Variants in GABRB1 observed in about 807,000 individuals in gnomAD.
The protein encoded by GABRB1 is gamma-aminobutyric acid type A receptor subunit beta1.
In GABRB1, 17 loss-of-function variants were observed where a neutral mutation model predicts 51.6. The ratio of observed to expected loss-of-function variants is 0.33; its 90% CI spans 0.23 to 0.49. The LOEUF (loss-of-function observed/expected upper bound fraction) is 0.49, where lower values mean the gene tolerates loss of function less well. Among genes scored for constraint, GABRB1 ranks in the 20% least tolerant of loss-of-function variants. The pLI is 0.99. For missense variants in GABRB1, 410 were observed against 600.6 expected (o/e 0.68, Z 3.32); for synonymous variants, 247 against 218.9 (o/e 1.13, Z -1.14).
chr4:47,154,089 T>G (rs1362357198), intron 3 of GABRB1, among the ~76,000 whole-genome samples: 4 of 152,084 alleles, frequency 2.6e-5, no homozygotes, highest in Admixed American at 6.6e-5. Flanking sequence ...GTGATGAATT[T>G]CTGCTTTAGA....
intron 3 of GABRB1, among the ~76,000 whole-genome samples, chr4:47,140,788 G>T (rs534692294): frequency 3.4e-5 from 5 of 148,038 alleles, no homozygotes; most frequent in South Asian, 4.3e-4. Flanking sequence ...TAAAAGACCA[G>T]AACCAACTTA....
chr4:47,341,809 C>A (rs1279621405), intron 5 of GABRB1, among the ~76,000 whole-genome samples: 1 of 152,150 alleles, frequency 6.6e-6, no homozygotes, highest in South Asian at 2.1e-4. Flanking sequence ...TCGTGAACAT[C>A]CCCTGCAATA....
At chr4:47,410,434 G>C (rs1017504422) in intron 8 of GABRB1, among the ~76,000 whole-genome samples, 7 of 152,192 alleles carry the variant, frequency 4.6e-5, no homozygotes, top group Non-Finnish European at 8.8e-5. Flanking sequence ...CACACTGTGT[G>C]AAATCCATGT....
Position 47,380,111 on chromosome 4 carries a change from C to T in GABRB1, c.545-23207C>T, listed in dbSNP as rs114050668. On this transcript the variant is annotated intron_variant, in intron 5 of 8. Coordinates refer to ENST00000295454, the MANE Select transcript of GABRB1 (RefSeq NM_000812.4). The stretch of plus-strand genomic sequence containing the variant: ...TAGTATTTATTTCCAGGTTTTATTC[C>T]GGAGCAGAATTATAATTTGTTGTAT... Among the ~76,000 whole-genome samples the T allele has an allele frequency of 6.9e-3, 1,051 of 152,078 alleles. 11 individuals carry two copies. The highest frequency in any genetic ancestry group is 0.017 in the African/African-American group (718 of 41,478).
intron 3 of GABRB1, among the ~76,000 whole-genome samples, chr4:47,075,641 C>G (rs1041592434): frequency 1.3e-5 from 2 of 152,156 alleles, no homozygotes; most frequent in African/African-American, 2.4e-5. Context: ...GGAGCTCATC[C>G]TTGTTCAGAA....
intron 3 of GABRB1, among the ~76,000 whole-genome samples, chr4:47,057,607 T>G (rs1329239921): frequency 6.6e-6 from 1 of 152,184 alleles, no homozygotes; most frequent in African/African-American, 2.4e-5. Flanking sequence ...GTAAGCTTAG[T>G]TATTGAGATC....
intron 4 of GABRB1, among the ~76,000 whole-genome samples, chr4:47,230,692 C>G (rs1261215724): frequency 6.6e-6 from 1 of 152,158 alleles, no homozygotes; most frequent in Non-Finnish European, 1.5e-5. Flanking sequence ...GAATAGTGTT[C>G]TGTTCAACTG....
chr4:47,180,715 C>A (rs1718907034), intron 4 of GABRB1, among the ~76,000 whole-genome samples: 1 of 151,916 alleles, frequency 6.6e-6, no homozygotes. Flanking sequence ...GCAATAATAG[C>A]CAAGAGTTTT....
At chr4:47,356,585 G>T (rs772759441) in intron 5 of GABRB1, among the ~76,000 whole-genome samples, 1 of 152,142 alleles carries the variant, frequency 6.6e-6, no homozygotes, top group Non-Finnish European at 1.5e-5. Flanking sequence ...AGTATGTACC[G>T]TAGGTAAAAT....
intron 1 of GABRB1, among the ~76,000 whole-genome samples, chr4:47,016,569 T>G (rs1042247392): frequency 6.6e-6 from 1 of 151,926 alleles, no homozygotes; most frequent in Non-Finnish European, 1.5e-5. Flanking sequence ...GATTATTTAT[T>G]TATTTATTTA....
intron 5 of GABRB1, among the ~76,000 whole-genome samples, chr4:47,387,617 A>T (rs564862635): frequency 6.6e-6 from 1 of 152,324 alleles, no homozygotes; most frequent in Non-Finnish European, 1.5e-5. Context: ...ATTGTGGAAA[A>T]AGCGAATTTG....
At chr4:47,387,935 C>T (rs1727857247) in intron 5 of GABRB1, among the ~76,000 whole-genome samples, 1 of 152,134 alleles carries the variant, frequency 6.6e-6, no homozygotes, top group African/African-American at 2.4e-5. Flanking sequence ...GAATTTCTAT[C>T]AGTGGGAAAT....
intron 4 of GABRB1, among the ~76,000 whole-genome samples, chr4:47,240,635 TAA>T (rs1363966617): frequency 1.3e-5 from 2 of 152,218 alleles, no homozygotes; most frequent in South Asian, 4.1e-4. Flanking sequence ...CACAAAGAAC[TAA>T]TTGCCTTTCC....
At chr4:47,063,051 C>A (rs1408185131) in intron 3 of GABRB1, among the ~76,000 whole-genome samples, 1 of 152,136 alleles carries the variant, frequency 6.6e-6, no homozygotes. Flanking sequence ...CCGTTTATGG[C>A]TTTCTCTCTT....
At chr4:47,150,331 CACACACACACACGCACAT>C (rs1281845573) in intron 3 of GABRB1, among the ~76,000 whole-genome samples, 3 of 139,296 alleles carry the variant, frequency 2.2e-5, no homozygotes, top group African/African-American at 8.0e-5. Flanking sequence ...CACACACACA[CACACACACACACGCACAT>C]ACACACACAC....
chr4:47,078,811 G>A (rs942072980), intron 3 of GABRB1, among the ~76,000 whole-genome samples: 8 of 152,010 alleles, frequency 5.3e-5, no homozygotes, highest in Non-Finnish European at 7.4e-5. Context: ...CTACTCCCTC[G>A]ATTTTTTTTA....
At chr4:47,165,783 GCTC>G (rs1359261791) in intron 4 of GABRB1, among the ~76,000 whole-genome samples, 1 of 152,018 alleles carries the variant, frequency 6.6e-6, no homozygotes, top group Non-Finnish European at 1.5e-5. Flanking sequence ...TTGCCTGCCA[GCTC>G]CTCCTCACAT....
chr4:47,124,554 C>T (rs945092352), intron 3 of GABRB1, among the ~76,000 whole-genome samples: 3 of 152,064 alleles, frequency 2.0e-5, no homozygotes, highest in African/African-American at 7.2e-5. Context: ...CAAAAAAATT[C>T]TAAATAATTG....
At chr4:47,092,382 A>G (rs1728347255) in intron 3 of GABRB1, among the ~76,000 whole-genome samples, 1 of 151,216 alleles carries the variant, frequency 6.6e-6, no homozygotes. Context: ...CACATTGGCC[A>G]GGCTCGTCTC....
Sources: gnomAD v4.1 joint callset for allele counts (sites outside exome capture counted in the v4.1 genomes callset) on GRCh38, gnomAD v4.1.1 for gene constraint, MANE v1.5 for transcripts, NCBI Gene and HGNC (gene_info 2026-07-23, HGNC 2026-07-21) for gene names.